UTRN: variants seen among roughly 807,000 people sequenced by gnomAD.
UTRN encodes dystrophin-related protein 1.
In UTRN, 283 loss-of-function variants were observed where a neutral mutation model predicts 463.9. The observed-to-expected ratio is 0.61, with a 90% confidence interval of 0.55 to 0.67. UTRN has a LOEUF of 0.67. Among genes scored for constraint, UTRN ranks in the 30% least tolerant of loss-of-function variants. UTRN has a pLI of 0.00. For synonymous variants in UTRN, 1,442 were observed against 1,431.5 expected, an observed-to-expected ratio of 1.01 and a Z score of -0.17; for missense variants, 3,922 against 4,084.3, an observed-to-expected ratio of 0.96 and a Z score of 1.08.
At chr6:144,318,851 G>A (rs1287013314) in intron 2 of UTRN, among the ~76,000 whole-genome samples, 1 of 152,168 alleles carries the variant, frequency 6.6e-6, no homozygotes, top group Non-Finnish European at 1.5e-5. Context: ...CAGGCAGATT[G>A]TTGGAGCTCA....
chr6:144,563,734 C>CA (rs1562579650), intron 50 of UTRN, among the ~76,000 whole-genome samples: 1 of 151,914 alleles, frequency 6.6e-6, no homozygotes, highest in Non-Finnish European at 1.5e-5. Flanking sequence ...TAAAGCTGGC[C>CA]AAAAAGAGAA....
At position 144,438,771 on chromosome 6, in the gene UTRN, A is replaced by G; in HGVS notation, c.1268A>G (p.Gln423Arg). 5 of 1,614,226 alleles carry G rather than the reference A, an allele frequency of 3.1e-6. No homozygotes were observed. The highest frequency in any genetic ancestry group is 1.1e-5 in the South Asian group (1 of 91,086). Residue 423 changes from glutamine to arginine, a missense_variant, in exon 12 of 75, where the codon CAG becomes CGG. By Grantham distance (43) the Gln-to-Arg change is conservative (BLOSUM62 1). This residue lies in a region of UTRN where 2,349 missense variants were observed against 2,303.8 expected (regional missense o/e 1.02). Coordinates refer to ENST00000367545, the MANE Select transcript of UTRN (RefSeq NM_007124.3). ...SRLHDVLMEL[Q>R]KKQLQQLSAW... ...CTGCACGATGTGCTGATGGAACTGCAGAAGAAGCAACTGCAGCAGCTCTCC... is the reference window on the plus strand; with the variant it reads ...CTGCACGATGTGCTGATGGAACTGCGGAAGAAGCAACTGCAGCAGCTCTCC...
chr6:144,805,798 A>AGT (rs1778099323), intron 65 of UTRN, among the ~76,000 whole-genome samples: 7 of 152,112 alleles, frequency 4.6e-5, no homozygotes, highest in African/African-American at 1.4e-4. Context: ...TAAGTGCAAT[A>AGT]TCTTTGAAGC....
At chr6:144,525,319 CT>C (rs928176184) in intron 41 of UTRN, among the ~76,000 whole-genome samples, 42 of 151,620 alleles carry the variant, frequency 2.8e-4, no homozygotes, top group Admixed American at 3.9e-4. Context: ...GGGTCCTGGG[CT>C]TTTTTTTGCT....
chr6:144,609,537 C>T (rs1805246946), intron 51 of UTRN, among the ~76,000 whole-genome samples: 1 of 152,172 alleles, frequency 6.6e-6, no homozygotes, highest in Admixed American at 6.6e-5. Flanking sequence ...ATTATCCATA[C>T]AGAAAATCAG....
intron 23 of UTRN, among the ~76,000 whole-genome samples, chr6:144,468,348 T>A (rs775316657): frequency 4.6e-5 from 7 of 152,208 alleles, no homozygotes; most frequent in Non-Finnish European, 1.0e-4. Flanking sequence ...GCAGTGATGG[T>A]CCATGTAGAC....
At chr6:144,316,882 C>A (rs1336439616) in intron 2 of UTRN, among the ~76,000 whole-genome samples, 1 of 152,132 alleles carries the variant, frequency 6.6e-6, no homozygotes, top group Non-Finnish European at 1.5e-5. Flanking sequence ...TGAATTCTTA[C>A]AGAGAGCCAC....
intron 58 of UTRN, among the ~76,000 whole-genome samples, chr6:144,758,954 C>T (rs1792326057): frequency 6.6e-6 from 1 of 151,998 alleles, no homozygotes; most frequent in Non-Finnish European, 1.5e-5. Context: ...GTGGTATCTC[C>T]AAAATCTATA....
chr6:144,626,430 G>T (rs770796509), intron 51 of UTRN, among the ~76,000 whole-genome samples: 1 of 152,108 alleles, frequency 6.6e-6, no homozygotes, highest in Admixed American at 6.5e-5. Context: ...ATGACATTCC[G>T]ACCTCAAACG....
At chr6:144,565,836 C>T (rs531379245) in intron 50 of UTRN, among the ~76,000 whole-genome samples, 2 of 152,222 alleles carry the variant, frequency 1.3e-5, no homozygotes, top group Admixed American at 1.3e-4. Context: ...TTTGTGGAAA[C>T]AACTTTAGAG....
chr6:144,428,110 T>C (rs1785458143), intron 7 of UTRN, among the ~76,000 whole-genome samples: 1 of 152,012 alleles, frequency 6.6e-6, no homozygotes, highest in African/African-American at 2.4e-5. Context: ...ATAAAGAAAA[T>C]GATTAACTTT....
intron 43 of UTRN, among the ~76,000 whole-genome samples, chr6:144,535,131 A>G (rs1388346000): frequency 6.6e-6 from 1 of 152,238 alleles, no homozygotes; most frequent in Non-Finnish European, 1.5e-5. Flanking sequence ...CCCAGGCTAG[A>G]GTGCAGTGGC....
chr6:144,490,895 G>C, intron 31 of UTRN, 34 bp from the exon 32 acceptor site: 1 of 1,535,152 alleles, frequency 6.5e-7, no homozygotes, highest in Non-Finnish European at 8.8e-7. Flanking sequence ...TAATCATCCT[G>C]ATGGGAATTG....
chr6:144,763,625 A>T (rs1792955471), intron 58 of UTRN, among the ~76,000 whole-genome samples: 1 of 152,212 alleles, frequency 6.6e-6, no homozygotes, highest in Non-Finnish European at 1.5e-5. Flanking sequence ...TAGGCAATAC[A>T]GAAGAAATAG....
rs1284551607 is a variant in UTRN, at chr6:144,514,568, AC to A, written c.5074-80del. 4 of 1,411,126 alleles carry A rather than the reference AC, an allele frequency of 2.8e-6. No individual in the cohort carries two copies. The African/African-American group carries it at 5.7e-5, about 20-fold the overall frequency. The allele number at this position is 1,411,126 out of a possible 1,614,324, so 87.4% of individuals were successfully genotyped here. A position where few individuals can be genotyped will look rare whatever the true frequency, so the allele number is the denominator to read the frequency against. ...GGGATCCCAGATATTTATTTAAACTACCTTTCCTTCTGTATAAGCATCACAC... is the reference window on the plus strand; with the variant it reads ...GGGATCCCAGATATTTATTTAAACTACTTTCCTTCTGTATAAGCATCACAC... On this transcript the variant is annotated intron_variant, in intron 36 of 74. Coordinates refer to ENST00000367545, the MANE Select transcript of UTRN (RefSeq NM_007124.3).
intron 2 of UTRN, among the ~76,000 whole-genome samples, chr6:144,330,058 A>C (rs1262452223): frequency 1.3e-5 from 2 of 152,192 alleles, no homozygotes; most frequent in African/African-American, 4.8e-5. Context: ...TGTCATGGCA[A>C]ATCACTCGGG....
intron 51 of UTRN, among the ~76,000 whole-genome samples, chr6:144,612,140 A>G (rs559149820): frequency 6.6e-6 from 1 of 152,274 alleles, no homozygotes; most frequent in Admixed American, 6.5e-5. Flanking sequence ...AGTTTCTTCA[A>G]TGCATTATGT....
At chr6:144,302,379 C>T (rs920223959) in intron 2 of UTRN, among the ~76,000 whole-genome samples, 1 of 152,098 alleles carries the variant, frequency 6.6e-6, no homozygotes, top group African/African-American at 2.4e-5. Context: ...GGCGTGGTGG[C>T]ACTCACCTGT....
chr6:144,407,690 T>C (rs1024094524), intron 3 of UTRN, among the ~76,000 whole-genome samples: 1 of 152,226 alleles, frequency 6.6e-6, no homozygotes. Flanking sequence ...TTGAGAATAA[T>C]ATCAGTCTAA....
Sources: gnomAD v4.1 joint callset for allele counts (sites outside exome capture counted in the v4.1 genomes callset) on GRCh38, gnomAD v4.1.1 for gene constraint, gnomAD v4.1.1 regional missense constraint, MANE v1.5 for transcripts, NCBI Gene and HGNC (gene_info 2026-07-23, HGNC 2026-07-21) for gene names.